The following MAK variants were observed in gnomAD, a reference collection of about 807,000 sequenced individuals.
The protein encoded by MAK is male germ cell associated kinase, also known as serine/threonine-protein kinase MAK.
In MAK, 65 loss-of-function variants were observed where a neutral mutation model predicts 82.6. The ratio of observed to expected loss-of-function variants is 0.79; its 90% CI spans 0.64 to 0.97. The LOEUF is 0.97. MAK is among the 50% of genes least tolerant of loss of function. The pLI, the probability that MAK is intolerant of heterozygous loss-of-function variation, is 0.00. For synonymous variants in MAK, 250 were observed against 274.2 expected (o/e 0.91, Z 0.87); for missense variants, 703 against 780.2 (o/e 0.90, Z 1.18).
At chr6:10,812,221 T>C (rs1776993418) in intron 5 of MAK, among the ~76,000 whole-genome samples, 1 of 151,824 alleles carries the variant, frequency 6.6e-6, no homozygotes, top group South Asian at 2.1e-4. Context: ...ATAATAGCAA[T>C]AAAATAAAAT....
intron 8 of MAK, among the ~76,000 whole-genome samples, chr6:10,801,043 T>TTTTTTTTTTTTTTTTTTTGAGACGGA (rs1775979576): frequency 1.3e-5 from 2 of 152,072 alleles, no homozygotes; most frequent in African/African-American, 4.8e-5. Flanking sequence ...TCAATTCTTA[T>TTTTTTTTTTTTTTTTTTTGAGACGGA]GCCAGTACTT....
At chr6:10,796,358 T>A in intron 8 of MAK, 49 bp from the exon 9 acceptor site, 1 of 1,454,502 alleles carries the variant, frequency 6.9e-7, no homozygotes. Flanking sequence ...TCCACCTAAA[T>A]GTATTGCACA....
At chr6:10,789,408 A>T (rs1167448071) in intron 10 of MAK, among the ~76,000 whole-genome samples, 1 of 152,158 alleles carries the variant, frequency 6.6e-6, no homozygotes. Flanking sequence ...GCTTTCCAAC[A>T]TGGGCTAAAA....
At chr6:10,820,743 T>TG (rs1291767221) in intron 2 of MAK, among the ~76,000 whole-genome samples, 1 of 152,092 alleles carries the variant, frequency 6.6e-6, no homozygotes, top group African/African-American at 2.4e-5. Flanking sequence ...CGTGATGAAA[T>TG]GGGGGTTTAC....
At chr6:10,826,249 C>A (rs1053844226) in intron 2 of MAK, among the ~76,000 whole-genome samples, 17 of 151,798 alleles carry the variant, frequency 1.1e-4, no homozygotes, top group African/African-American at 4.1e-4. Context: ...CCCCCACCCC[C>A]CCTTTTAAAA....
rs913491839 is a variant in MAK, at chr6:10,835,295, G to A, written c.-230+3208C>T. Among the ~76,000 whole-genome samples the A allele has an allele frequency of 4.6e-5, 7 of 152,172 alleles. No individual in the cohort carries two copies. In the South Asian group the frequency reaches 8.3e-4, roughly 18 times the overall value. ...CACCCTGACCAATCTCCTACAGCTC[G>A]GATGCCCAGGCTGGAGTGTGGTGGC... On this transcript the variant is annotated intron_variant, in intron 1 of 14. Coordinates refer to ENST00000354489, the MANE Select transcript of MAK (RefSeq NM_001242957.3).
intron 9 of MAK, among the ~76,000 whole-genome samples, chr6:10,795,485 G>A (rs1277239496): frequency 1.3e-5 from 2 of 152,078 alleles, no homozygotes; most frequent in Non-Finnish European, 2.9e-5. Context: ...GCTCATGCCT[G>A]TAATCCCAGA....
In MAK at chr6:10,796,031, C is replaced by G. The variant is rs772828352; in HGVS notation, c.1110G>C (p.Thr370=). ...TGTTTTTGACGATGCTCGGGAATAG[C>G]GTTTGTGGCGGTTTCTCCTGACTCT... ...KQQSQEKPPQ[T]LFPSIVKNMP... Residue 370 remains threonine (T), a synonymous_variant, in exon 9 of 15, where the codon ACG becomes ACC. Transcript: ENST00000354489. 2 of 1,614,000 alleles carry G rather than the reference C, an allele frequency of 1.2e-6. No homozygotes were observed. Among genetic ancestry groups the G allele is most frequent in the Non-Finnish European group, 1.7e-6 (2 of 1,179,878 alleles).
intron 1 of MAK, among the ~76,000 whole-genome samples, chr6:10,834,251 G>T (rs1386582369): frequency 3.3e-5 from 5 of 152,282 alleles, no homozygotes; most frequent in South Asian, 2.1e-4. Flanking sequence ...GATTAAGTAA[G>T]CATAAAGAGA....
rs1202419820 is a variant in MAK at position 10,784,497 on chromosome 6, T to C, written c.1392A>G (p.Leu464=). Residue 464 remains leucine (L), a synonymous_variant, in exon 11 of 15, where the codon CTA becomes CTG. Transcript: ENST00000354489. ...ENKSLPAVTS[L]KSDSELSTAP... ...CAGTTGACAATTCGGAATCAGATTT[T>C]AGGGAAGTAACAGCAGGTAAGCTCT... The C allele has an allele frequency of 3.1e-6, 5 of 1,614,218 alleles. No individual in the cohort carries two copies. The highest frequency in any genetic ancestry group is 4.2e-6 in the Non-Finnish European group (5 of 1,180,030).
chr6:10,810,345 CTTTTTTTTT>C (rs111859354), intron 5 of MAK, among the ~76,000 whole-genome samples: 2,755 of 121,714 alleles, frequency 0.023, 45 homozygotes, highest in Middle Eastern at 0.04. Flanking sequence ...TTATCTTTTT[CTTTTTTTTT>C]TTTTTTTTTT....
intron 2 of MAK, among the ~76,000 whole-genome samples, chr6:10,823,162 C>T (rs1778089704): frequency 6.6e-6 from 1 of 152,194 alleles, no homozygotes; most frequent in African/African-American, 2.4e-5. Flanking sequence ...AACTGCCATG[C>T]CATGCCCTTG....
At position 10,783,529 on chromosome 6, in the gene MAK, T is replaced by C. The variant is rs1360721053; in HGVS notation, c.1465+895A>G. Among the ~76,000 whole-genome samples, 3 of 152,326 alleles carry C rather than the reference T, an allele frequency of 2.0e-5. No homozygotes were observed. In the East Asian group the frequency reaches 5.8e-4, roughly 29 times the overall value. On this transcript the variant is annotated intron_variant, in intron 11 of 14. Transcript: ENST00000354489. The stretch of plus-strand genomic sequence containing the variant: ...CTGCCACTAATTCTTTCCACCAATC[T>C]ACCCACAAGTCCTATTGGTTCCAGT...
At chr6:10,797,768 T>G in intron 8 of MAK, 1 of 1,239,444 alleles carries the variant, frequency 8.1e-7, no homozygotes, top group Non-Finnish European at 1.0e-6. Flanking sequence ...AGGGCAGTTT[T>G]TAGAGGAACA....
intron 6 of MAK, among the ~76,000 whole-genome samples, chr6:10,807,501 C>A (rs933074832): frequency 1.3e-5 from 2 of 151,618 alleles, no homozygotes; most frequent in African/African-American, 4.8e-5. Flanking sequence ...GACACCACAC[C>A]CGGCTAATTT....
chr6:10,822,875 T>C (rs1385726655), intron 2 of MAK, among the ~76,000 whole-genome samples: 3 of 152,176 alleles, frequency 2.0e-5, no homozygotes, highest in Non-Finnish European at 4.4e-5. Context: ...TCTACCATCC[T>C]CTATCATAAA....
In MAK at chr6:10,806,598, C is replaced by A. The variant is rs549938181; in HGVS notation, c.491+2212G>T. ...GGTCTTGATTTCCTGACCTCGTGAT[C>A]CACCTGCCTCGGATTCCCAAAGTGC... On this transcript the variant is annotated intron_variant, in intron 6 of 14. Transcript: ENST00000354489. Among the ~76,000 whole-genome samples, 12 of 150,352 alleles carry A rather than the reference C, an allele frequency of 8.0e-5. No homozygotes were observed. The East Asian group carries it at 2.0e-3, about 25-fold the overall frequency.
chr6:10,808,048 A>G (rs989189189), intron 6 of MAK, among the ~76,000 whole-genome samples: 2 of 151,880 alleles, frequency 1.3e-5, no homozygotes, highest in African/African-American at 4.8e-5. Context: ...AGCCTGGGCG[A>G]GAGAGCGAAA....
Position 10,764,221 on chromosome 6 carries a change from C to G in MAK, c.*231G>C. 1.9e-6 allele frequency: 1 copy of G among 513,492 alleles called. No homozygotes were observed. The highest frequency in any genetic ancestry group is 3.5e-6 in the Non-Finnish European group (1 of 289,776). The allele number at this position is 513,492 out of a possible 1,614,324, so 31.8% of individuals were successfully genotyped here. ...TTCATACTTTGGCAAATAGTTTATT[C>G]AATACTTTGTAACATCCTACCCATA... On this transcript the variant is annotated 3_prime_UTR_variant, in exon 15 of 15. Transcript: ENST00000354489.
Sources: allele counts gnomAD v4.1 joint callset (sites outside exome capture counted in the v4.1 genomes callset), GRCh38; gene constraint gnomAD v4.1.1; transcripts MANE v1.5; gene names NCBI Gene and HGNC (gene_info 2026-07-23, HGNC 2026-07-21).